FBXL7: variants seen among roughly 807,000 people sequenced by gnomAD.
FBXL7 encodes the protein F-box and leucine rich repeat protein 7, also known as F-box/LRR-repeat protein 7.
Under a neutral mutation model 38.3 loss-of-function variants are expected in FBXL7, and 12 were observed. That is an observed-to-expected ratio of 0.31 (90% CI 0.20 to 0.51). The LOEUF is 0.51. Ranked by LOEUF, FBXL7 falls within the 20% of genes least tolerant of loss-of-function variation. FBXL7 has a pLI of 0.98. For missense variants in FBXL7, 567 were observed against 676.4 expected, an observed-to-expected ratio of 0.84 and a Z score of 1.79; for synonymous variants, 297 against 300.9, an observed-to-expected ratio of 0.99 and a Z score of 0.13.
intron 2 of FBXL7, among the ~76,000 whole-genome samples, chr5:15,786,408 G>C (rs1737134045): frequency 6.6e-6 from 1 of 152,186 alleles, no homozygotes; most frequent in African/African-American, 2.4e-5. Flanking sequence ...AGAAATTTTA[G>C]AGTATCATTG....
intron 1 of FBXL7, among the ~76,000 whole-genome samples, chr5:15,514,059 G>A (rs548796372): frequency 6.6e-6 from 1 of 152,012 alleles, no homozygotes; most frequent in African/African-American, 2.4e-5. Flanking sequence ...CCCTCCCCTT[G>A]GTTGTGCTTC....
At chr5:15,617,972 CT>C (rs2126522130) in intron 2 of FBXL7, among the ~76,000 whole-genome samples, 1 of 152,138 alleles carries the variant, frequency 6.6e-6, no homozygotes, top group African/African-American at 2.4e-5. Context: ...ATTTTTTCTC[CT>C]TTTCAAAAAT....
intron 1 of FBXL7, among the ~76,000 whole-genome samples, chr5:15,502,598 A>G (rs777782927): frequency 1.9e-4 from 29 of 152,290 alleles, no homozygotes; most frequent in Middle Eastern, 3.4e-3. Flanking sequence ...AGAGGTACAC[A>G]CTGTGTTTAG....
At chr5:15,742,016 C>T (rs991025880) in intron 2 of FBXL7, among the ~76,000 whole-genome samples, 13 of 152,050 alleles carry the variant, frequency 8.5e-5, no homozygotes, top group African/African-American at 2.9e-4. Flanking sequence ...AATTCACTGT[C>T]GGGGAAGTAG....
At chr5:15,681,470 T>C (rs1376463766) in intron 2 of FBXL7, among the ~76,000 whole-genome samples, 1 of 152,212 alleles carries the variant, frequency 6.6e-6, no homozygotes, top group African/African-American at 2.4e-5. Context: ...AATGTATGAT[T>C]ACAGATTTGT....
rs139052760 is a variant in FBXL7 at position 15,583,794 on chromosome 5, C to T, written c.38-32189C>T. Among the ~76,000 whole-genome samples, 255 of 152,292 alleles carry T rather than the reference C, an allele frequency of 1.7e-3. 1 individual carries two copies. The highest frequency in any genetic ancestry group is 5.7e-3 in the African/African-American group (238 of 41,560). ...CTGGAGGATGATGGTCCTCTTCTCA[C>T]GGCTCCACTAGGCAGTGCCCCAGTG... On this transcript the variant is annotated intron_variant, in intron 1 of 3. Transcript: ENST00000504595.
chr5:15,503,312 C>T (rs187037525), intron 1 of FBXL7, among the ~76,000 whole-genome samples: 2 of 152,164 alleles, frequency 1.3e-5, no homozygotes, highest in East Asian at 3.9e-4. Flanking sequence ...TCCTACCTAC[C>T]CAGAAAGCTG....
At chr5:15,912,492 G>A (rs945895870) in intron 2 of FBXL7, among the ~76,000 whole-genome samples, 3 of 151,430 alleles carry the variant, frequency 2.0e-5, no homozygotes, top group Non-Finnish European at 4.4e-5. Context: ...CTTCTGCGTC[G>A]CTCACGCTGG....
chr5:15,593,753 T>C (rs1739544488), intron 1 of FBXL7, among the ~76,000 whole-genome samples: 1 of 152,224 alleles, frequency 6.6e-6, no homozygotes. Flanking sequence ...GAATTTGTTC[T>C]CTTTTTGCTG....
chr5:15,888,259 G>A (rs1459283225), intron 2 of FBXL7, among the ~76,000 whole-genome samples: 3 of 149,870 alleles, frequency 2.0e-5, no homozygotes, highest in Non-Finnish European at 4.4e-5. Context: ...ATGGAGTTTC[G>A]CTCTGTCACC....
At chr5:15,827,487 C>A (rs1486704526) in intron 2 of FBXL7, among the ~76,000 whole-genome samples, 1 of 152,066 alleles carries the variant, frequency 6.6e-6, no homozygotes, top group Non-Finnish European at 1.5e-5. Flanking sequence ...TTATCATAAA[C>A]AAATTTATTG....
intron 2 of FBXL7, among the ~76,000 whole-genome samples, chr5:15,873,028 G>T (rs62348078): frequency 0.53 from 80,399 of 151,866 alleles, 22,598 homozygotes; most frequent in Non-Finnish European, 0.63. Context: ...CACATAATTG[G>T]AAGTAAAACA....
chr5:15,731,591 G>GA (rs888525580), intron 2 of FBXL7, among the ~76,000 whole-genome samples: 27 of 150,660 alleles, frequency 1.8e-4, no homozygotes, highest in Non-Finnish European at 3.1e-4. Context: ...GCTTTGGGAT[G>GA]AAAAAAAAAT....
intron 2 of FBXL7, among the ~76,000 whole-genome samples, chr5:15,669,437 G>A (rs1022322571): frequency 6.6e-5 from 10 of 152,148 alleles, no homozygotes; most frequent in African/African-American, 2.2e-4. Context: ...TGTGCTGAGC[G>A]TGGCCAATGA....
At chr5:15,560,234 C>T (rs1197751080) in intron 1 of FBXL7, among the ~76,000 whole-genome samples, 2 of 152,136 alleles carry the variant, frequency 1.3e-5, no homozygotes, top group African/African-American at 4.8e-5. Context: ...CTTAATATTT[C>T]TTCTTGTCTG....
intron 2 of FBXL7, among the ~76,000 whole-genome samples, chr5:15,639,459 A>G (rs1741288350): frequency 6.6e-6 from 1 of 152,082 alleles, no homozygotes; most frequent in Non-Finnish European, 1.5e-5. Flanking sequence ...TTCCCTGCAC[A>G]GGCTCTCTCT....
intron 2 of FBXL7, among the ~76,000 whole-genome samples, chr5:15,824,947 T>A (rs1297717253): frequency 6.6e-6 from 1 of 152,230 alleles, no homozygotes; most frequent in Admixed American, 6.5e-5. Context: ...ACAAGCAGTG[T>A]CAAAGCCAGT....
chr5:15,584,019 C>T (rs975155232), intron 1 of FBXL7, among the ~76,000 whole-genome samples: 7 of 152,160 alleles, frequency 4.6e-5, no homozygotes, highest in South Asian at 2.1e-4. Flanking sequence ...GTGTGGAAGT[C>T]GACAAGGCCT....
chr5:15,877,452 C>T (rs1740257593), intron 2 of FBXL7, among the ~76,000 whole-genome samples: 1 of 152,114 alleles, frequency 6.6e-6, no homozygotes, highest in South Asian at 2.1e-4. Flanking sequence ...TTCATTTAAT[C>T]GTATTTCAAT....
Sources: allele counts gnomAD v4.1 joint callset (sites outside exome capture counted in the v4.1 genomes callset), GRCh38; gene constraint gnomAD v4.1.1; transcripts MANE v1.5; gene names NCBI Gene and HGNC (gene_info 2026-07-23, HGNC 2026-07-21).